Variants in KIAA1217 observed in about 807,000 individuals in gnomAD.
KIAA1217 encodes the protein sickle tail protein homolog.
KIAA1217 carries 88 observed loss-of-function variants against 163.9 expected under a neutral mutation model. That is an observed-to-expected ratio of 0.54 (90% confidence interval 0.45 to 0.64). The LOEUF is 0.64. KIAA1217 is among the 30% of genes least tolerant of loss of function. KIAA1217 has a pLI of 0.00. For missense variants in KIAA1217, 2,372 were observed against 2,475.0 expected, an observed-to-expected ratio of 0.96 and a Z score of 0.88; for synonymous variants, 903 against 923.1, an observed-to-expected ratio of 0.98 and a Z score of 0.39.
intron 2 of KIAA1217, among the ~76,000 whole-genome samples, chr10:24,076,993 CA>C (rs2061388836): frequency 6.6e-6 from 1 of 151,738 alleles, no homozygotes; most frequent in Admixed American, 6.6e-5. Context: ...TCTCCTGCCT[CA>C]GCCTCCCAAG....
chr10:24,244,264 C>T (rs992790914), intron 2 of KIAA1217, among the ~76,000 whole-genome samples: 8 of 152,088 alleles, frequency 5.3e-5, no homozygotes, highest in South Asian at 2.1e-4. Flanking sequence ...GGCTGGCTAC[C>T]GGGGAGGTAG....
intron 1 of KIAA1217, among the ~76,000 whole-genome samples, chr10:23,860,485 T>C (rs1839900217): frequency 1.3e-5 from 2 of 152,172 alleles, no homozygotes; most frequent in South Asian, 4.1e-4. Flanking sequence ...TATTATACAT[T>C]GTAATGAAAT....
chr10:23,952,797 A>G (rs1269234320), intron 1 of KIAA1217, among the ~76,000 whole-genome samples: 1 of 152,220 alleles, frequency 6.6e-6, no homozygotes, highest in Non-Finnish European at 1.5e-5. Flanking sequence ...TAATATTGCT[A>G]TTACTACCCA....
At chr10:24,449,337 T>C (rs1305847678) in intron 5 of KIAA1217, 3 of 436,792 alleles carry the variant, frequency 6.9e-6, no homozygotes, top group African/African-American at 2.1e-5. Flanking sequence ...TTTTTTTTTA[T>C]TTTTTGTCAT....
chr10:24,339,763 T>C (rs920128826), intron 2 of KIAA1217, among the ~76,000 whole-genome samples: 3 of 152,238 alleles, frequency 2.0e-5, no homozygotes, highest in Non-Finnish European at 4.4e-5. Context: ...CTGAGACTTT[T>C]ATTATTATCC....
intron 2 of KIAA1217, among the ~76,000 whole-genome samples, chr10:24,277,011 G>T (rs751090989): frequency 6.6e-5 from 10 of 151,972 alleles, no homozygotes; most frequent in Non-Finnish European, 1.5e-4. Context: ...CTCCCACCTC[G>T]GCCTCCCAAA....
chr10:24,255,591 A>G (rs912391429), intron 2 of KIAA1217: 3 of 454,980 alleles, frequency 6.6e-6, no homozygotes, highest in Non-Finnish European at 1.3e-5. Flanking sequence ...AGCAGACAGG[A>G]GCAAGGTACA....
chr10:24,501,950 C>T (rs1478161239), intron 9 of KIAA1217, among the ~76,000 whole-genome samples: 3 of 151,776 alleles, frequency 2.0e-5, no homozygotes, highest in Non-Finnish European at 4.4e-5. Flanking sequence ...GGGGTTTCAC[C>T]GTGTTAGCCA....
At chr10:24,375,097 T>A (rs1382850922) in intron 2 of KIAA1217, among the ~76,000 whole-genome samples, 2 of 152,216 alleles carry the variant, frequency 1.3e-5, no homozygotes, top group Non-Finnish European at 2.9e-5. Flanking sequence ...CAGGGCTCGC[T>A]GTTCGAAATA....
intron 1 of KIAA1217, among the ~76,000 whole-genome samples, chr10:23,759,247 T>C (rs956920859): frequency 7.9e-5 from 12 of 152,192 alleles, no homozygotes; most frequent in Non-Finnish European, 1.8e-4. Context: ...ATGCAAGTGT[T>C]TTTTGTGACT....
chr10:24,159,619 A>G (rs1160906870), intron 2 of KIAA1217, among the ~76,000 whole-genome samples: 1 of 152,010 alleles, frequency 6.6e-6, no homozygotes, highest in East Asian at 1.9e-4. Flanking sequence ...CTCAAAAAAA[A>G]AAAATGCAAA....
chr10:23,763,485 T>A (rs987054854), intron 1 of KIAA1217, among the ~76,000 whole-genome samples: 1 of 152,060 alleles, frequency 6.6e-6, no homozygotes, highest in African/African-American at 2.4e-5. Flanking sequence ...TGATCTTCGA[T>A]AAACCCCACA....
chr10:24,441,513 G>T (rs1025988153), intron 5 of KIAA1217, among the ~76,000 whole-genome samples: 1 of 152,164 alleles, frequency 6.6e-6, no homozygotes, highest in African/African-American at 2.4e-5. Context: ...AAGCGTGCTA[G>T]ACTAGGCCTC....
rs1835860475 is a variant in KIAA1217, at chr10:23,790,568, T to TATGTACATATATAC, written c.-321+95336_-321+95337insGTACATATATACAT. Among the ~76,000 whole-genome samples the TATGTACATATATAC allele has an allele frequency of 6.6e-5, 8 of 121,646 alleles. 1 individual carries two copies. The highest frequency in any genetic ancestry group is 6.1e-4 in the Admixed American group (7 of 11,548). 79.8% of individuals were successfully genotyped at this position (121,646 alleles called of 152,430 possible). On this transcript the variant is annotated intron_variant, in intron 1 of 18. Transcript: ENST00000376462. ...GCATATATACATATGTACATATGTA[T>TATGTACATATATAC]ATATACATATGTATATGTACATATA...
chr10:23,811,113 A>G (rs1330154810), intron 1 of KIAA1217, among the ~76,000 whole-genome samples: 6 of 137,936 alleles, frequency 4.3e-5, no homozygotes, highest in Non-Finnish European at 7.6e-5. Flanking sequence ...TATATTATAT[A>G]CACACTATAC....
intron 6 of KIAA1217, among the ~76,000 whole-genome samples, chr10:24,486,468 C>T (rs117788050): frequency 3.9e-5 from 6 of 152,194 alleles, no homozygotes; most frequent in Middle Eastern, 3.4e-3. Flanking sequence ...GATTTGATTC[C>T]CCTCGCCACA....
chr10:23,974,900 G>A (rs967112196), intron 1 of KIAA1217, among the ~76,000 whole-genome samples: 3 of 151,240 alleles, frequency 2.0e-5, no homozygotes, highest in South Asian at 4.2e-4. Context: ...CCCATAGATA[G>A]GCATCTGCTC....
intron 2 of KIAA1217, among the ~76,000 whole-genome samples, chr10:24,188,785 T>G (rs941872724): frequency 1.3e-5 from 2 of 152,174 alleles, no homozygotes; most frequent in African/African-American, 4.8e-5. Flanking sequence ...CTCATGTCCA[T>G]GGGCTTGATG....
chr10:24,010,573 G>A (rs562885667), intron 2 of KIAA1217, among the ~76,000 whole-genome samples: 6 of 149,624 alleles, frequency 4.0e-5, no homozygotes, highest in Admixed American at 1.3e-4. Context: ...GATTTCACAC[G>A]TGCAGTGTAA....
Sources: gnomAD v4.1 joint callset for allele counts (sites outside exome capture counted in the v4.1 genomes callset) on GRCh38, gnomAD v4.1.1 for gene constraint, MANE v1.5 for transcripts, NCBI Gene and HGNC (gene_info 2026-07-23, HGNC 2026-07-21) for gene names.